The following KCNH8 variants were observed in gnomAD, a reference collection of about 807,000 sequenced individuals.
KCNH8 encodes the protein potassium voltage-gated channel subfamily H member 8.
A neutral mutation model predicts 103.6 loss-of-function variants in KCNH8; 70 were observed. That is an observed-to-expected ratio of 0.68 (90% CI 0.56 to 0.82). The LOEUF is 0.82. KCNH8 is among the 40% of genes least tolerant of loss of function. KCNH8 has a pLI of 0.00. For synonymous variants in KCNH8, 498 were observed against 489.4 expected (o/e 1.02, Z -0.23); for missense variants, 1,217 against 1,329.9 (o/e 0.92, Z 1.32).
rs1046532180 is a variant in KCNH8 at position 19,518,192 on chromosome 3, T to C, written c.2619+118T>C. The C allele has an allele frequency of 4.3e-6, 3 of 704,570 alleles. No individual in the cohort carries two copies. The African/African-American group carries it at 5.4e-5, about 13-fold the overall frequency. 43.6% of individuals were successfully genotyped at this position (704,570 alleles called of 1,614,324 possible). The stretch of plus-strand genomic sequence containing the variant: ...CATGCATTCCAGAATGAGACCACCA[T>C]GGGTGAATCTCTGCTCTGCCTCATG... On this transcript the variant is annotated intron_variant, in intron 15 of 15. Coordinates refer to ENST00000328405, the MANE Select transcript of KCNH8 (RefSeq NM_144633.3).
chr3:19,530,458 A>G (rs1044303352), intron 15 of KCNH8, among the ~76,000 whole-genome samples: 1 of 152,188 alleles, frequency 6.6e-6, no homozygotes, highest in Non-Finnish European at 1.5e-5. Context: ...GAATGTGTCT[A>G]TGCAAAGGTA....
In KCNH8 at chr3:19,302,251, T is replaced by C. The variant is rs190557072; in HGVS notation, c.442+20922T>C. Among the ~76,000 whole-genome samples, 626 of 152,246 alleles carry C rather than the reference T, an allele frequency of 4.1e-3. 6 individuals are homozygous for C. The highest frequency in any genetic ancestry group is 0.014 in the African/African-American group (579 of 41,544). On this transcript the variant is annotated intron_variant, in intron 3 of 15. Transcript: ENST00000328405. ...AAATATAAATATGATTGAAAGAGGC[T>C]TACTGTGAATAACAAAAGATACTCC...
chr3:19,214,989 G>A (rs2063804712), intron 1 of KCNH8, among the ~76,000 whole-genome samples: 1 of 152,182 alleles, frequency 6.6e-6, no homozygotes, highest in African/African-American at 2.4e-5. Flanking sequence ...GCCCACTGTT[G>A]CCATAGGTCT....
intron 7 of KCNH8, among the ~76,000 whole-genome samples, chr3:19,432,209 T>C (rs944828926): frequency 6.6e-6 from 1 of 152,174 alleles, no homozygotes; most frequent in Non-Finnish European, 1.5e-5. Context: ...CCCCCTCCAA[T>C]ATTTTTGGAA....
At chr3:19,157,035 T>G (rs1362738531) in intron 1 of KCNH8, among the ~76,000 whole-genome samples, 1 of 151,986 alleles carries the variant, frequency 6.6e-6, no homozygotes, top group Non-Finnish European at 1.5e-5. Flanking sequence ...ACATCTTTAT[T>G]GTATTTGTCA....
chr3:19,378,807 C>T (rs374486483), intron 5 of KCNH8, among the ~76,000 whole-genome samples: 160 of 152,298 alleles, frequency 1.1e-3, no homozygotes, highest in African/African-American at 3.8e-3. Flanking sequence ...TTATCCTTTA[C>T]TCACAAACTT....
Position 19,403,662 on chromosome 3 carries a change from C to T in KCNH8, c.1177+8351C>T, listed in dbSNP as rs369686560. ...AAATTTCAATGTGCTTATAGAAAAG[C>T]GCAGGTTTTGAACCACTCACACTGA... is the stretch of plus-strand genomic sequence containing the variant. On this transcript the variant is annotated intron_variant, in intron 7 of 15. Coordinates refer to ENST00000328405, the MANE Select transcript of KCNH8 (RefSeq NM_144633.3). Among the ~76,000 whole-genome samples the T allele has an allele frequency of 3.3e-5, 5 of 151,350 alleles. No homozygotes were observed. The East Asian group carries it at 5.9e-4, about 18-fold the overall frequency.
intron 3 of KCNH8, among the ~76,000 whole-genome samples, chr3:19,308,651 TCTCTC>T (rs2065161751): frequency 3.3e-3 from 4 of 1,212 alleles, no homozygotes; most frequent in Non-Finnish European, 9.4e-3. Context: ...AATGTTGGGG[TCTCTC>T]TCTCTCTCTC....
intron 11 of KCNH8, among the ~76,000 whole-genome samples, chr3:19,488,957 G>A (rs780073086): frequency 9.7e-4 from 148 of 152,152 alleles, no homozygotes; most frequent in Non-Finnish European, 1.6e-3. Context: ...ATAAGGTGGA[G>A]TATTATTTTT....
At chr3:19,407,675 C>A (rs2066714041) in intron 7 of KCNH8, among the ~76,000 whole-genome samples, 1 of 152,086 alleles carries the variant, frequency 6.6e-6, no homozygotes, top group Non-Finnish European at 1.5e-5. Context: ...CATGTCCAGG[C>A]AGATCCTGAG....
intron 3 of KCNH8, among the ~76,000 whole-genome samples, chr3:19,309,177 G>A (rs1205628737): frequency 1.3e-5 from 2 of 151,884 alleles, no homozygotes; most frequent in African/African-American, 2.4e-5. Context: ...ATCCACTGGT[G>A]TCCTGTTTTC....
chr3:19,356,010 A>G (rs1166465727), intron 5 of KCNH8, among the ~76,000 whole-genome samples: 1 of 151,846 alleles, frequency 6.6e-6, no homozygotes, highest in African/African-American at 2.4e-5. Flanking sequence ...ATTAGGGCAC[A>G]ATTGTTAAAA....
intron 1 of KCNH8, among the ~76,000 whole-genome samples, chr3:19,173,113 C>T (rs987675258): frequency 3.9e-5 from 6 of 151,988 alleles, no homozygotes; most frequent in Non-Finnish European, 7.4e-5. Flanking sequence ...TGCAGATTCC[C>T]AGGCTCTGTC....
intron 11 of KCNH8, among the ~76,000 whole-genome samples, chr3:19,463,481 T>A (rs931919688): frequency 6.6e-6 from 1 of 151,580 alleles, no homozygotes; most frequent in East Asian, 1.9e-4. Flanking sequence ...AATGTGTAGA[T>A]GAAGAAACAC....
At chr3:19,379,069 G>T (rs1205914449) in intron 5 of KCNH8, among the ~76,000 whole-genome samples, 1 of 152,118 alleles carries the variant, frequency 6.6e-6, no homozygotes, top group Non-Finnish European at 1.5e-5. Context: ...GTGTGTATTT[G>T]ATCAGATCAG....
At chr3:19,491,466 T>C (rs2068319857) in intron 11 of KCNH8, among the ~76,000 whole-genome samples, 1 of 152,242 alleles carries the variant, frequency 6.6e-6, no homozygotes, top group South Asian at 2.1e-4. Flanking sequence ...CTGAGGATTC[T>C]TGCCTCCAGA....
chr3:19,324,921 T>C (rs2065400134), intron 3 of KCNH8, among the ~76,000 whole-genome samples: 1 of 152,106 alleles, frequency 6.6e-6, no homozygotes, highest in African/African-American at 2.4e-5. Flanking sequence ...GGTATCAGGC[T>C]ACCTGATTTC....
At position 19,395,166 on chromosome 3, in the gene KCNH8, G is replaced by A. The variant is rs2066496638; in HGVS notation, c.1032G>A (p.Lys344=). Residue 344 remains lysine, a synonymous_variant, in exon 7 of 16, where the codon AAG becomes AAA. Transcript: ENST00000328405. ...RLLRLLRLLQ[K]LDRYSQHSTI... is the part of the protein sequence containing the mutation. ...TGCGTCTTTTGCGTCTGCTGCAGAA[G>A]TTAGACCGCTATTCCCAACACAGTA... 1 of 1,611,506 alleles carries A rather than the reference G, an allele frequency of 6.2e-7. No individual in the cohort carries two copies. Among genetic ancestry groups the A allele is most frequent in the Non-Finnish European group, 8.5e-7 (1 of 1,178,728 alleles).
Position 19,348,496 on chromosome 3 carries a change from G to T in KCNH8, c.811+531G>T, listed in dbSNP as rs920795389. 2.0e-5 allele frequency among the ~76,000 whole-genome samples: 3 copies of T among 152,140 alleles called. No individual in the cohort carries two copies. The South Asian group carries it at 6.2e-4, about 31-fold the overall frequency. On this transcript the variant is annotated intron_variant, in intron 5 of 15. Transcript: ENST00000328405. ...AATTAAAGAAAAGGCCCCAAAGGATGTTTGTTAAGATAATTTATCACTAGA... is the reference window on the plus strand; with the variant it reads ...AATTAAAGAAAAGGCCCCAAAGGATTTTTGTTAAGATAATTTATCACTAGA...
Sources: allele counts gnomAD v4.1 joint callset (sites outside exome capture counted in the v4.1 genomes callset), GRCh38; gene constraint gnomAD v4.1.1; transcripts MANE v1.5; gene names NCBI Gene and HGNC (gene_info 2026-07-23, HGNC 2026-07-21).